WDR76: variants seen among roughly 807,000 people sequenced by gnomAD.
The protein encoded by WDR76 is WD repeat domain 76.
Under a neutral mutation model 70.2 loss-of-function variants are expected in WDR76, and 52 were observed. The ratio of observed to expected loss-of-function variants is 0.74; its 90% CI spans 0.59 to 0.93. The LOEUF (loss-of-function observed/expected upper bound fraction) is 0.93. Ranked by LOEUF, WDR76 falls within the 40% of genes least tolerant of loss-of-function variation. The pLI, the probability that WDR76 is intolerant of heterozygous loss-of-function variation, is 0.00. For missense variants in WDR76, 756 were observed against 760.2 expected (o/e 0.99, Z 0.07); for synonymous variants, 292 against 271.1 (o/e 1.08, Z -0.76).
At chr15:43,863,471 C>T (rs577056926) in intron 12 of WDR76, among the ~76,000 whole-genome samples, 55 of 151,922 alleles carry the variant, frequency 3.6e-4, no homozygotes, top group African/African-American at 1.3e-3. Flanking sequence ...ATGTATTTCT[C>T]CTATTAACTG....
At chr15:43,860,753 C>A (rs1471665447) in intron 11 of WDR76, among the ~76,000 whole-genome samples, 1 of 151,972 alleles carries the variant, frequency 6.6e-6, no homozygotes. Context: ...AAGTGATCCT[C>A]CCACCTTGGC....
intron 8 of WDR76, among the ~76,000 whole-genome samples, chr15:43,850,613 G>C (rs568570355): frequency 6.3e-4 from 96 of 152,222 alleles, no homozygotes; most frequent in African/African-American, 2.2e-3. Context: ...GGTGCATTTA[G>C]AGGACAAAGT....
intron 12 of WDR76, among the ~76,000 whole-genome samples, chr15:43,861,616 G>A (rs973266917): frequency 1.2e-4 from 18 of 152,162 alleles, no homozygotes; most frequent in Non-Finnish European, 4.4e-5. Context: ...CTCTGCAGGT[G>A]GGAGGTTATT....
intron 4 of WDR76, among the ~76,000 whole-genome samples, chr15:43,839,140 C>T (rs2087692017): frequency 6.6e-6 from 1 of 152,140 alleles, no homozygotes; most frequent in Non-Finnish European, 1.5e-5. Context: ...GAAGGGAATG[C>T]AGTGAAACGT....
intron 9 of WDR76, among the ~76,000 whole-genome samples, chr15:43,855,128 T>G (rs1253769918): frequency 6.6e-6 from 1 of 152,208 alleles, no homozygotes; most frequent in African/African-American, 2.4e-5. Flanking sequence ...AGACTTTTGT[T>G]TCTGGCTTTT....
chr15:43,835,147 T>G lies in WDR76; in HGVS notation c.549T>G (p.Ser183=), dbSNP rs1320857542. The stretch of plus-strand genomic sequence containing the variant: ...ACTTTTTTGCTTCTCTTCAGTTGTC[T>G]GAGGTTTGTGTGGAGTCTATTTAAA... ...NADFFASLQL[S]ESAARLREMI... is the part of the protein sequence containing the mutation. Residue 183 remains serine, a synonymous_variant, in exon 3 of 13, where the codon TCT becomes TCG. Transcript: ENST00000263795. The G allele has an allele frequency of 3.7e-6, 6 of 1,614,058 alleles. No individual in the cohort carries two copies. The highest frequency in any genetic ancestry group is 5.1e-6 in the Non-Finnish European group (6 of 1,179,966).
intron 8 of WDR76, among the ~76,000 whole-genome samples, chr15:43,849,366 A>G (rs1017990819): frequency 3.9e-5 from 6 of 152,126 alleles, no homozygotes; most frequent in African/African-American, 1.4e-4. Context: ...CTTTAGCTTC[A>G]TTTTCTTATA....
chr15:43,856,869 T>C, intron 9 of WDR76, 77 bp from the exon 10 acceptor site: 3 of 1,331,140 alleles, frequency 2.3e-6, no homozygotes, highest in Middle Eastern at 1.9e-4. Flanking sequence ...TTTATAACCC[T>C]TTTACCAAAG....
intron 3 of WDR76, 59 bp downstream of exon 3, chr15:43,835,209 G>C (rs1400226268): frequency 6.0e-6 from 9 of 1,498,912 alleles, no homozygotes; most frequent in Admixed American, 5.1e-5. Context: ...GGTAGCGCCT[G>C]TAATCCTGTC....
chr15:43,862,276 C>CTTTTTTTTTTTT, intron 12 of WDR76, among the ~76,000 whole-genome samples: 5 of 42,162 alleles, frequency 1.2e-4, no homozygotes, highest in Non-Finnish European at 1.9e-4. Flanking sequence ...TTATCAGTTT[C>CTTTTTTTTTTTT]TTTTTTTTTT....
intron 1 of WDR76, among the ~76,000 whole-genome samples, chr15:43,827,653 T>C (rs1037693015): frequency 6.6e-6 from 1 of 152,232 alleles, no homozygotes; most frequent in Non-Finnish European, 1.5e-5. Flanking sequence ...CAAGTGATTC[T>C]TCTGCCTCAG....
chr15:43,865,685 T>G (rs1424965648), intron 12 of WDR76, among the ~76,000 whole-genome samples: 10 of 152,232 alleles, frequency 6.6e-5, no homozygotes. Flanking sequence ...ATGACAGGCT[T>G]GGGCCACTGT....
chr15:43,828,905 CT>C (rs11353535), intron 2 of WDR76, among the ~76,000 whole-genome samples: 110,368 of 131,832 alleles, frequency 0.84, 45,915 homozygotes, highest in East Asian at 0.98. Flanking sequence ...TAATTTTTTT[CT>C]TTTTTTTTTT....
chr15:43,848,982 T>C (rs2087823007), intron 8 of WDR76, among the ~76,000 whole-genome samples: 1 of 149,252 alleles, frequency 6.7e-6, no homozygotes, highest in Non-Finnish European at 1.5e-5. Context: ...GATTACCTGC[T>C]GTCTCAACAT....
intron 9 of WDR76, among the ~76,000 whole-genome samples, chr15:43,852,390 GAGATGGAGT>G (rs2087871447): frequency 6.6e-6 from 1 of 151,282 alleles, no homozygotes; most frequent in African/African-American, 2.4e-5. Context: ...TGTTGTTGTA[GAGATGGAGT>G]CTCACTCTGT....
At chr15:43,859,692 C>G (rs755187610) in intron 11 of WDR76, among the ~76,000 whole-genome samples, 21 of 152,172 alleles carry the variant, frequency 1.4e-4, no homozygotes, top group Non-Finnish European at 2.1e-4. Context: ...AGGCCAGGAT[C>G]CCGTTTCCAC....
intron 2 of WDR76, among the ~76,000 whole-genome samples, chr15:43,833,729 C>T (rs1222405536): frequency 1.3e-5 from 2 of 151,878 alleles, no homozygotes; most frequent in African/African-American, 2.4e-5. Context: ...CTCCATCTCC[C>T]GGGTTCAAGC....
At chr15:43,830,588 G>A (rs1023846391) in intron 2 of WDR76, among the ~76,000 whole-genome samples, 4 of 149,382 alleles carry the variant, frequency 2.7e-5, no homozygotes, top group African/African-American at 4.9e-5. Context: ...AAAAGATTCT[G>A]AAGAATACAA....
chr15:43,835,753 G>T (rs1324053287), intron 3 of WDR76, among the ~76,000 whole-genome samples: 1 of 151,170 alleles, frequency 6.6e-6, no homozygotes, highest in Non-Finnish European at 1.5e-5. Flanking sequence ...CTGCCTCCCG[G>T]GTTCAAGTGA....
Sources: allele counts gnomAD v4.1 joint callset (sites outside exome capture counted in the v4.1 genomes callset), GRCh38; gene constraint gnomAD v4.1.1; transcripts MANE v1.5; gene names NCBI Gene and HGNC (gene_info 2026-07-23, HGNC 2026-07-21).